The following OR2C1 variants were observed in gnomAD, a reference collection of about 807,000 sequenced individuals.
OR2C1 encodes the protein olfactory receptor 2C1.
For synonymous variants in OR2C1, 209 were observed against 167.3 expected (o/e 1.25, Z -1.92); for missense variants, 468 against 388.3 (o/e 1.21, Z -1.73).
upstream of OR2C1, among the ~76,000 whole-genome samples, chr16:3,353,057 G>T (rs67218524): frequency 0.31 from 47,468 of 151,274 alleles, 8,055 homozygotes; most frequent in African/African-American, 0.45. Flanking sequence ...CTATTTCTTT[G>T]CCCTAAAGGG....
chr16:3,339,259 T>C, the OR2C1 span, among the ~76,000 whole-genome samples: 1 of 151,860 alleles, frequency 6.6e-6, no homozygotes, highest in Non-Finnish European at 1.5e-5. Context: ...TCCACTCATC[T>C]GTTGATGAAC....
the OR2C1 span, among the ~76,000 whole-genome samples, chr16:3,332,034 C>G: frequency 2.8e-5 from 4 of 140,956 alleles, no homozygotes; most frequent in African/African-American, 5.3e-5. Flanking sequence ...AATGAGAACA[C>G]AAGGACACAG....
chr16:3,347,103 TG>T, the OR2C1 span, among the ~76,000 whole-genome samples: 1 of 150,760 alleles, frequency 6.6e-6, no homozygotes, highest in Non-Finnish European at 1.5e-5. Context: ...AAAAATTAGC[TG>T]GGCACAGTGG....
At chr16:3,337,931 A>T in the OR2C1 span, among the ~76,000 whole-genome samples, 1 of 152,012 alleles carries the variant, frequency 6.6e-6, no homozygotes, top group Non-Finnish European at 1.5e-5. Context: ...TGTTGAATTT[A>T]TTTCTCCCCC....
upstream of OR2C1, among the ~76,000 whole-genome samples, chr16:3,355,465 A>AAAAAAAAAAAAAAAAAAC (rs1382052254): frequency 2.1e-5 from 3 of 141,638 alleles, no homozygotes; most frequent in Non-Finnish European, 4.6e-5. Context: ...CTCAAAAAAA[A>AAAAAAAAAAAAAAAAAAC]AAAAAAAGCT....
chr16:3,341,513 T>C, the OR2C1 span, among the ~76,000 whole-genome samples: 13 of 152,352 alleles, frequency 8.5e-5, no homozygotes, highest in South Asian at 2.7e-3. Flanking sequence ...CTTTTCTTCC[T>C]GAATTCAGTC....
chr16:3,324,244 T>G, the OR2C1 span, among the ~76,000 whole-genome samples: 2 of 152,134 alleles, frequency 1.3e-5, no homozygotes, highest in Non-Finnish European at 2.9e-5. Context: ...CAGGCTGGAG[T>G]GCAGTTGCCC....
chr16:3,349,297 G>T, the OR2C1 span, among the ~76,000 whole-genome samples: 63 of 152,296 alleles, frequency 4.1e-4, no homozygotes, highest in African/African-American at 1.4e-3. Flanking sequence ...CGGTTCTTCA[G>T]GGACAGCTTT....
At chr16:3,353,121 A>T (rs917816306), upstream of OR2C1, among the ~76,000 whole-genome samples, 12 of 152,180 alleles carry the variant, frequency 7.9e-5, no homozygotes, top group Non-Finnish European at 7.4e-5. Context: ...GGGTTTCAGG[A>T]AGAACTTCTG....
downstream of OR2C1, chr16:3,357,340 A>G (rs1418211932): frequency 1.9e-5 from 3 of 161,464 alleles, no homozygotes; most frequent in East Asian, 5.7e-4. Flanking sequence ...TTTTTACCCT[A>G]TCTGTCATTA....
At chr16:3,327,314 T>C in the OR2C1 span, among the ~76,000 whole-genome samples, 1 of 152,236 alleles carries the variant, frequency 6.6e-6, no homozygotes, top group African/African-American at 2.4e-5. Flanking sequence ...CATTCTAACA[T>C]TTCACCCTTA....
At chr16:3,332,266 A>T in the OR2C1 span, among the ~76,000 whole-genome samples, 379 of 149,970 alleles carry the variant, frequency 2.5e-3, 4 homozygotes, top group East Asian at 0.018. Context: ...TAAAATAAAA[A>T]TTTTTTTTTT....
At chr16:3,332,181 C>T in the OR2C1 span, among the ~76,000 whole-genome samples, 129 of 151,498 alleles carry the variant, frequency 8.5e-4, no homozygotes, top group African/African-American at 3.0e-3. Flanking sequence ...ACATATGTAA[C>T]TAACCTGCAC....
At chr16:3,345,243 CA>C in the OR2C1 span, among the ~76,000 whole-genome samples, 1 of 151,842 alleles carries the variant, frequency 6.6e-6, no homozygotes, top group African/African-American at 2.4e-5. Context: ...CCGAGGTGGG[CA>C]GATCATGAGG....
At position 3,356,192 on chromosome 16, in the gene OR2C1, T is replaced by C. The variant is rs752699136; in HGVS notation, c.252T>C (p.Asn84=). 14 of 1,614,210 alleles carry C rather than the reference T, an allele frequency of 8.7e-6. No individual in the cohort carries two copies. In the South Asian group the frequency reaches 1.4e-4, roughly 16 times the overall value. The change falls in exon 1 of 1, where the codon AAT becomes AAC. Residue 84 remains asparagine (N), a synonymous_variant. Coordinates refer to ENST00000304936, the MANE Select transcript of OR2C1 (RefSeq NM_012368.3). The stretch of plus-strand genomic sequence containing the variant: ...GTTCAGTCCCCCAAATGCTGATCAA[T>C]TTATGGGGACCAGGCAAGACCATCA... ...ATSSVPQMLI[N]LWGPGKTISY...
chr16:3,334,387 C>T, the OR2C1 span, among the ~76,000 whole-genome samples: 35,922 of 150,888 alleles, frequency 0.24, 4,749 homozygotes, highest in African/African-American at 0.35. Context: ...CCGCCTGCCT[C>T]GGCTTCCCAA....
the OR2C1 span, among the ~76,000 whole-genome samples, chr16:3,332,739 A>C: frequency 3.3e-5 from 5 of 151,682 alleles, no homozygotes; most frequent in African/African-American, 1.2e-4. Context: ...ATATGTATGC[A>C]CATATACATA....
chr16:3,336,679 T>TTC, the OR2C1 span, among the ~76,000 whole-genome samples: 1,545 of 143,922 alleles, frequency 0.011, 97 homozygotes, highest in Admixed American at 0.089. Context: ...TTTTTCTTTT[T>TTC]TTTTTTTTCT....
In OR2C1 at chr16:3,356,227, G is replaced by T; in HGVS notation, c.287G>T (p.Gly96Val). ...WGPGKTISYGGCITQLYVFLW... is the reference protein window; with the variant it reads ...WGPGKTISYGVCITQLYVFLW... ...CCAGGCAAGACCATCAGCTATGGTG[G>T]CTGCATAACCCAGCTCTATGTCTTC... The change falls in exon 1 of 1, where the codon GGC becomes GTC. Residue 96 changes from glycine (G) to valine (V), a missense_variant. By Grantham distance (109) the Gly-to-Val change is moderately radical. Coordinates refer to ENST00000304936, the MANE Select transcript of OR2C1 (RefSeq NM_012368.3). 1 of 1,614,160 alleles carries T rather than the reference G, an allele frequency of 6.2e-7. No individual in the cohort carries two copies. The highest frequency in any genetic ancestry group is 8.5e-7 in the Non-Finnish European group (1 of 1,180,054).
Sources: gnomAD v4.1 joint callset for allele counts (sites outside exome capture counted in the v4.1 genomes callset) on GRCh38, gnomAD v4.1.1 for gene constraint, MANE v1.5 for transcripts, NCBI Gene and HGNC (gene_info 2026-07-23, HGNC 2026-07-21) for gene names.